CNKSR2: variants seen among roughly 807,000 people sequenced by gnomAD.
CNKSR2 encodes the protein connector enhancer of kinase suppressor of Ras 2, also known as CNK homolog protein 2.
In CNKSR2, 14 loss-of-function variants were observed where a neutral mutation model predicts 84.4. The observed-to-expected ratio is 0.17, with a 90% CI of 0.11 to 0.26. The LOEUF (loss-of-function observed/expected upper bound fraction) is 0.26. Ranked by LOEUF, CNKSR2 falls within the 10% of genes least tolerant of loss-of-function variation. The probability of loss-of-function intolerance (pLI) is 1.00; values close to 1 mark genes in which losing one functional copy is unlikely to be tolerated. For synonymous variants in CNKSR2, 275 were observed against 277.9 expected (o/e 0.99, Z 0.10); for missense variants, 485 against 771.2 (o/e 0.63, Z 4.40).
At chrX:21,415,815 AATACATAT>A (rs2090410654) in intron 1 of CNKSR2, among the ~76,000 whole-genome samples, 1 of 92,727 alleles carries the variant, frequency 1.1e-5, no homozygotes, top group Non-Finnish European at 2.1e-5. Context: ...ACATATATAC[AATACATAT>A]ATACATATAT....
intron 1 of CNKSR2, among the ~76,000 whole-genome samples, chrX:21,404,789 C>CAAAA (rs59192713): frequency 6.7e-5 from 2 of 30,053 alleles, no homozygotes; most frequent in Non-Finnish European, 1.2e-4. Context: ...AACTCTGTCT[C>CAAAA]AAAAAAAAAA....
intron 3 of CNKSR2, among the ~76,000 whole-genome samples, chrX:21,434,014 A>G (rs868035048): frequency 9.1e-4 from 101 of 110,979 alleles, no homozygotes; most frequent in African/African-American, 3.2e-3. Flanking sequence ...TATACATTCC[A>G]AAAGTTATGA....
At chrX:21,507,046 C>T (rs2091620233) in intron 8 of CNKSR2, among the ~76,000 whole-genome samples, 1 of 108,505 alleles carries the variant, frequency 9.2e-6, no homozygotes, top group Non-Finnish European at 1.9e-5. Flanking sequence ...TTGCCCAATC[C>T]ACTTCCTTTT....
intron 5 of CNKSR2, among the ~76,000 whole-genome samples, chrX:21,474,166 T>A (rs779364660): frequency 9.0e-6 from 1 of 111,581 alleles, no homozygotes; most frequent in South Asian, 3.8e-4. Context: ...AATGTTTTCC[T>A]TGTTTCTATG....
At chrX:21,582,100 C>T (rs944374653) in intron 13 of CNKSR2, among the ~76,000 whole-genome samples, 6 of 111,472 alleles carry the variant, frequency 5.4e-5, no homozygotes, top group Non-Finnish European at 7.5e-5. Flanking sequence ...ATAATATTAT[C>T]GTACCTTAAT....
At chrX:21,617,697 A>T (rs370839189) in intron 20 of CNKSR2, among the ~76,000 whole-genome samples, 2 of 111,393 alleles carry the variant, frequency 1.8e-5, no homozygotes, top group East Asian at 5.6e-4. Flanking sequence ...AGTTCCTCTA[A>T]AACTTTTTTG....
chrX:21,439,455 G>A (rs1328054162), intron 3 of CNKSR2, among the ~76,000 whole-genome samples: 1 of 110,042 alleles, frequency 9.1e-6, no homozygotes, highest in African/African-American at 3.3e-5. Flanking sequence ...TATATCAGAA[G>A]CACTGAATGC....
intron 13 of CNKSR2, among the ~76,000 whole-genome samples, chrX:21,581,577 T>C (rs2092353224): frequency 9.0e-6 from 1 of 111,592 alleles, no homozygotes; most frequent in Admixed American, 9.5e-5. Flanking sequence ...GACTTAACCC[T>C]GGGTGTTAAA....
At chrX:21,527,151 G>T in intron 10 of CNKSR2, 151 bp downstream of exon 10, 1 of 364,312 alleles carries the variant, frequency 2.7e-6, no homozygotes, top group Non-Finnish European at 4.7e-6. Flanking sequence ...TCCCATTATA[G>T]AGCATGCATG....
intron 4 of CNKSR2, among the ~76,000 whole-genome samples, chrX:21,454,075 C>T (rs182634441): frequency 1.8e-5 from 2 of 111,709 alleles, no homozygotes; most frequent in Admixed American, 9.5e-5. Flanking sequence ...TACAATTCTT[C>T]CAACTTTAGT....
At chrX:21,451,659 G>A (rs1237686839) in intron 4 of CNKSR2, among the ~76,000 whole-genome samples, 1 of 90,525 alleles carries the variant, frequency 1.1e-5, no homozygotes, top group Non-Finnish European at 2.1e-5. Flanking sequence ...GAGAACACGT[G>A]GACACAGGAA....
At chrX:21,543,882 G>C (rs1023888567) in intron 11 of CNKSR2, among the ~76,000 whole-genome samples, 1 of 110,149 alleles carries the variant, frequency 9.1e-6, no homozygotes, top group Non-Finnish European at 1.9e-5. Flanking sequence ...TAGTGCAATG[G>C]CATGATCTCG....
At chrX:21,460,808 G>A (rs1007733241) in intron 4 of CNKSR2, among the ~76,000 whole-genome samples, 9 of 111,451 alleles carry the variant, frequency 8.1e-5, no homozygotes, top group African/African-American at 2.9e-4. Flanking sequence ...CTTGTCTTTA[G>A]GTGCCTGGCC....
chrX:21,415,310 G>T (rs1416581093), intron 1 of CNKSR2, among the ~76,000 whole-genome samples: 1 of 110,208 alleles, frequency 9.1e-6, no homozygotes, highest in African/African-American at 3.3e-5. Flanking sequence ...ACTTTATGTG[G>T]GGCTATTATA....
intron 2 of CNKSR2, chrX:21,429,306 G>A (rs779422563): frequency 8.9e-6 from 1 of 111,911 alleles, no homozygotes; most frequent in Admixed American, 9.5e-5. Context: ...TCATGTATAA[G>A]TTTTTGTTTT....
intron 11 of CNKSR2, among the ~76,000 whole-genome samples, chrX:21,533,774 A>G (rs2147126877): frequency 9.0e-6 from 1 of 111,424 alleles, no homozygotes; most frequent in South Asian, 3.7e-4. Flanking sequence ...TATTTGTTTC[A>G]TTCAGTATGG....
At chrX:21,570,422 T>C (rs892512359) in intron 13 of CNKSR2, among the ~76,000 whole-genome samples, 13 of 112,359 alleles carry the variant, frequency 1.2e-4, no homozygotes, top group Admixed American at 3.8e-4. Flanking sequence ...CTTCATAGAA[T>C]TGAAGAGAGT....
At chrX:21,516,831 GAAAAAC>G (rs1206164542) in intron 9 of CNKSR2, among the ~76,000 whole-genome samples, 200 bp downstream of exon 9, 1 of 110,588 alleles carries the variant, frequency 9.0e-6, no homozygotes, top group Non-Finnish European at 1.9e-5. Flanking sequence ...AAACCCAAAT[GAAAAAC>G]AACTCTGCCT....
chrX:21,383,899 A>G lies in CNKSR2; in HGVS notation c.64+8938A>G, dbSNP rs779062109. 2.7e-5 allele frequency among the ~76,000 whole-genome samples: 3 copies of G among 112,093 alleles called. No individual in the cohort carries two copies. In the South Asian group the frequency reaches 1.1e-3, roughly 41 times the overall value. ...GTTATACTTAGCAATGTAATTTATTAGTAAAAACCTTTAACAATGCTGGCA... is the reference window on the plus strand; with the variant it reads ...GTTATACTTAGCAATGTAATTTATTGGTAAAAACCTTTAACAATGCTGGCA... On this transcript the variant is annotated intron_variant, in intron 1 of 21. Coordinates refer to ENST00000379510, the MANE Select transcript of CNKSR2 (RefSeq NM_014927.5).
Sources: gnomAD v4.1 joint callset for allele counts (sites outside exome capture counted in the v4.1 genomes callset) on GRCh38, gnomAD v4.1.1 for gene constraint, MANE v1.5 for transcripts, NCBI Gene and HGNC (gene_info 2026-07-23, HGNC 2026-07-21) for gene names.